AFF2: variants seen among roughly 807,000 people sequenced by gnomAD.
AFF2 encodes the protein AF4/FMR2 family member 2.
AFF2 carries 14 observed loss-of-function variants against 76.9 expected under a neutral mutation model. The observed-to-expected ratio is 0.18, with a 90% CI of 0.12 to 0.28. AFF2 has a LOEUF of 0.28. Ranked by LOEUF, AFF2 falls within the 10% of genes least tolerant of loss-of-function variation. The pLI is 1.00. For synonymous variants in AFF2, 398 were observed against 366.7 expected (o/e 1.09, Z -0.98); for missense variants, 868 against 1,001.1 (o/e 0.87, Z 1.79).
rs149007317 is a variant in AFF2, at chrX:148,863,029, C to T, written c.1262+19596C>T. Reference sequence around the variant, plus strand: ...TGGTATATACTTAATATTTATAATACGCATGTTTGGAATTTGTACACAGGG... The same window carrying T: ...TGGTATATACTTAATATTTATAATATGCATGTTTGGAATTTGTACACAGGG... On this transcript the variant is annotated intron_variant, in intron 7 of 20. Transcript: ENST00000370460. Among the ~76,000 whole-genome samples, 197 of 111,111 alleles carry T rather than the reference C, an allele frequency of 1.8e-3. No homozygotes were observed. The East Asian group carries it at 0.042, about 24-fold the overall frequency.
rs1033924507 is a variant in AFF2 at position 148,980,891 on chromosome X, C to T, written c.3623+101C>T. 35 of 556,745 alleles carry T rather than the reference C, an allele frequency of 6.3e-5. No individual in the cohort carries two copies. In the African/African-American group the frequency reaches 8.0e-4, roughly 13 times the overall value. The allele number at this position is 556,745 out of a possible 1,213,427, so 45.9% of individuals were successfully genotyped here. A position where few individuals can be genotyped will look rare whatever the true frequency, so the allele number is the denominator to read the frequency against. ...TCAGGAGTGAAGGTCAATTCTAGAA[C>T]TACAGTCATTTTTGTGCATACAAAA... On this transcript the variant is annotated intron_variant, in intron 19 of 20. Coordinates refer to ENST00000370460, the MANE Select transcript of AFF2 (RefSeq NM_002025.4).
chrX:148,566,052 A>G (rs2053166442), intron 1 of AFF2, among the ~76,000 whole-genome samples: 1 of 111,821 alleles, frequency 8.9e-6, no homozygotes, highest in South Asian at 3.7e-4. Context: ...TAATTTCCTA[A>G]TTGTTTACTC....
At chrX:148,836,404 A>C (rs1217673448) in intron 4 of AFF2, among the ~76,000 whole-genome samples, 1 of 111,777 alleles carries the variant, frequency 8.9e-6, no homozygotes, top group Non-Finnish European at 1.9e-5. Context: ...TAATTATAGA[A>C]GGAAAAAAAC....
At chrX:148,890,650 A>G (rs781919512) in intron 8 of AFF2, among the ~76,000 whole-genome samples, 1 of 112,302 alleles carries the variant, frequency 8.9e-6, no homozygotes, top group African/African-American at 3.2e-5. Flanking sequence ...GATCTGCACC[A>G]AGTCCTCCAG....
In AFF2 at chrX:148,663,689, G is replaced by A. The variant is rs915759990; in HGVS notation, c.1041+921G>A. On this transcript the variant is annotated intron_variant, in intron 3 of 20. Coordinates refer to ENST00000370460, the MANE Select transcript of AFF2 (RefSeq NM_002025.4). Reference sequence around the variant, plus strand: ...GGATTCCTGTCACTGGTGACTAAAGGCTTGAAATAACACAGAGGAAGAAAG... The same window carrying A: ...GGATTCCTGTCACTGGTGACTAAAGACTTGAAATAACACAGAGGAAGAAAG... Among the ~76,000 whole-genome samples, 7 of 112,165 alleles carry A rather than the reference G, an allele frequency of 6.2e-5. No homozygotes were observed. The East Asian group carries it at 2.0e-3, about 32-fold the overall frequency.
intron 3 of AFF2, among the ~76,000 whole-genome samples, chrX:148,801,889 CAG>C (rs2124633566): frequency 9.0e-6 from 1 of 111,696 alleles, no homozygotes; most frequent in East Asian, 2.8e-4. Context: ...AATACACAAT[CAG>C]GTTTACATCC....
chrX:148,691,951 A>G (rs782576218), intron 3 of AFF2, among the ~76,000 whole-genome samples: 11 of 111,621 alleles, frequency 9.9e-5, no homozygotes, highest in South Asian at 3.7e-4. Flanking sequence ...TTATTAACGA[A>G]TAAAATTAAG....
chrX:148,659,755 T>G (rs1298747114), intron 2 of AFF2, among the ~76,000 whole-genome samples: 1 of 112,287 alleles, frequency 8.9e-6, no homozygotes, highest in East Asian at 2.8e-4. Context: ...TTTTGGCTAC[T>G]GTCCATGTGG....
intron 1 of AFF2, among the ~76,000 whole-genome samples, chrX:148,538,368 T>C (rs1819844782): frequency 9.0e-6 from 1 of 111,709 alleles, no homozygotes; most frequent in Non-Finnish European, 1.9e-5. Context: ...GAAGCTCCCT[T>C]TCTGACAAGC....
chrX:148,665,381 T>C (rs1557258345), intron 3 of AFF2, among the ~76,000 whole-genome samples: 1 of 111,753 alleles, frequency 8.9e-6, no homozygotes, highest in Non-Finnish European at 1.9e-5. Flanking sequence ...GCTAGAGCTC[T>C]GTATGAAAAA....
intron 3 of AFF2, among the ~76,000 whole-genome samples, chrX:148,707,105 A>G (rs1347910535): frequency 3.6e-5 from 4 of 112,096 alleles, no homozygotes; most frequent in Non-Finnish European, 7.5e-5. Flanking sequence ...TTTTAGTTTC[A>G]TAACAATAGC....
intron 3 of AFF2, among the ~76,000 whole-genome samples, chrX:148,721,808 C>G (rs2055096581): frequency 8.9e-6 from 1 of 112,167 alleles, no homozygotes; most frequent in Non-Finnish European, 1.9e-5. Context: ...TACTTCCTTA[C>G]ATTTTCCAGA....
In AFF2 at chrX:148,918,938, C is replaced by T. The variant is rs138397008; in HGVS notation, c.1397+14680C>T. On this transcript the variant is annotated intron_variant, in intron 9 of 20. Transcript: ENST00000370460. ...AATAAGAAGGAGAGAAACGAACCCC[C>T]TGTTGTCTTCCTTTTGAAAGTCTCT... 5.8e-4 allele frequency among the ~76,000 whole-genome samples: 65 copies of T among 112,066 alleles called. No individual in the cohort carries two copies. The East Asian group carries it at 0.017, about 30-fold the overall frequency.
chrX:148,629,711 C>A (rs1048564336), intron 1 of AFF2, among the ~76,000 whole-genome samples: 2 of 111,694 alleles, frequency 1.8e-5, no homozygotes, highest in African/African-American at 3.3e-5. Flanking sequence ...CATGCTTCCT[C>A]GGTGAGTCTG....
intron 1 of AFF2, among the ~76,000 whole-genome samples, chrX:148,604,306 C>T (rs2053653679): frequency 8.9e-6 from 1 of 112,747 alleles, no homozygotes; most frequent in African/African-American, 3.2e-5. Flanking sequence ...ACAAATAACA[C>T]TCTCCAATTG....
At chrX:148,607,370 G>T (rs1317261354) in intron 1 of AFF2, among the ~76,000 whole-genome samples, 1 of 110,776 alleles carries the variant, frequency 9.0e-6, no homozygotes, top group Non-Finnish European at 1.9e-5. Context: ...TTAATCATAG[G>T]GGTGAGTTTT....
chrX:148,935,282 A>G (rs1332652787), intron 9 of AFF2, among the ~76,000 whole-genome samples: 2 of 110,527 alleles, frequency 1.8e-5, no homozygotes, highest in Non-Finnish European at 1.9e-5. Context: ...CGTTAGACTC[A>G]GAAGAGAGAG....
intron 1 of AFF2, among the ~76,000 whole-genome samples, chrX:148,574,948 GT>G (rs1557243187): frequency 4.9e-5 from 2 of 40,406 alleles, no homozygotes; most frequent in Non-Finnish European, 9.4e-5. Context: ...GCTGGGGTGT[GT>G]GTGTGTGTGT....
chrX:148,573,479 T>C, intron 1 of AFF2, among the ~76,000 whole-genome samples: 1 of 111,158 alleles, frequency 9.0e-6, no homozygotes, highest in Non-Finnish European at 1.9e-5. Flanking sequence ...GATACTAACC[T>C]CTTGGTCTTT....
Sources: gnomAD v4.1 joint callset for allele counts (sites outside exome capture counted in the v4.1 genomes callset) on GRCh38, gnomAD v4.1.1 for gene constraint, MANE v1.5 for transcripts, NCBI Gene and HGNC (gene_info 2026-07-23, HGNC 2026-07-21) for gene names.